FUT8: variants seen among roughly 807,000 people sequenced by gnomAD.
FUT8 encodes the protein fucosyltransferase 8.
In FUT8, 29 loss-of-function variants were observed where a neutral mutation model predicts 71.3. The ratio of observed to expected loss-of-function variants is 0.41; its 90% confidence interval spans 0.30 to 0.55. The LOEUF is 0.55. Ranked by LOEUF, FUT8 falls within the 20% of genes least tolerant of loss-of-function variation. The pLI is 0.34. For missense variants in FUT8, 544 were observed against 702.1 expected, an observed-to-expected ratio of 0.77 and a Z score of 2.55; for synonymous variants, 254 against 239.3, an observed-to-expected ratio of 1.06 and a Z score of -0.57.
In FUT8 at chr14:65,742,544, A is replaced by G; in HGVS notation, c.*134A>G. The G allele has an allele frequency of 1.4e-6, 1 of 731,912 alleles. No individual in the cohort carries two copies. Among genetic ancestry groups the G allele is most frequent in the Non-Finnish European group, 2.2e-6 (1 of 454,728 alleles). 45.3% of individuals were successfully genotyped at this position (731,912 alleles called of 1,614,324 possible). A position where few individuals can be genotyped will look rare whatever the true frequency, so the allele number is the denominator to read the frequency against. ...ATATGAGTAGATACTCTCAGCACCA[A>G]GAGCAGCTGGGAACTGACATAGGCT... On this transcript the variant is annotated 3_prime_UTR_variant, in exon 11 of 11. Coordinates refer to ENST00000673929, the MANE Select transcript of FUT8 (RefSeq NM_001371533.1).
intron 7 of FUT8, among the ~76,000 whole-genome samples, chr14:65,691,242 T>C (rs1893570811): frequency 6.6e-6 from 1 of 151,212 alleles, no homozygotes; most frequent in African/African-American, 2.5e-5. Context: ...TTCTTTCTTT[T>C]GTCTTATTCC....
chr14:65,503,901 C>T (rs2066685296), intron 2 of FUT8, among the ~76,000 whole-genome samples: 1 of 152,160 alleles, frequency 6.6e-6, no homozygotes, highest in Non-Finnish European at 1.5e-5. Context: ...TTTTGATTGG[C>T]ATATGGAGAC....
At chr14:65,546,936 A>G (rs1019927248) in intron 2 of FUT8, among the ~76,000 whole-genome samples, 2 of 151,698 alleles carry the variant, frequency 1.3e-5, no homozygotes, top group Non-Finnish European at 3.0e-5. Context: ...CAAGTAATCT[A>G]TTCTTTATTG....
chr14:65,606,091 G>A (rs1364032743), intron 3 of FUT8, among the ~76,000 whole-genome samples: 1 of 68,686 alleles, frequency 1.5e-5, no homozygotes, highest in East Asian at 4.0e-4. Context: ...TTTTTTTTTT[G>A]AGATGGAGTC....
the FUT8 span, among the ~76,000 whole-genome samples, chr14:65,374,753 C>A: frequency 1.4e-5 from 2 of 138,218 alleles, no homozygotes; most frequent in African/African-American, 2.5e-5. Flanking sequence ...TGCCACCACG[C>A]CTGGCTAATT....
At chr14:65,722,224 A>T (rs1213324851) in intron 8 of FUT8, among the ~76,000 whole-genome samples, 1 of 152,118 alleles carries the variant, frequency 6.6e-6, no homozygotes, top group East Asian at 1.9e-4. Flanking sequence ...GTTGCTTAGT[A>T]GTGCTCTATT....
rs1483692214 is a variant in FUT8 at position 65,472,474 on chromosome 14, T to C, written c.-228+16756T>C. ...GATAGCATAGACTCAGGCTATTTAC[T>C]ATTCTGTTTTCAAGTATAGATTGAG... On this transcript the variant is annotated intron_variant, in intron 2 of 10. Coordinates refer to ENST00000673929, the MANE Select transcript of FUT8 (RefSeq NM_001371533.1). The surrounding 1 kb of genome is among the most constrained non-coding windows in gnomAD (Gnocchi z 4.4). Among the ~76,000 whole-genome samples the C allele has an allele frequency of 6.6e-6, 1 of 152,204 alleles. No homozygotes were observed. The highest frequency in any genetic ancestry group is 1.5e-5 in the Non-Finnish European group (1 of 68,034).
In FUT8 at chr14:65,643,708, A is replaced by ACACC; in HGVS notation, c.597+14105_597+14106insCCAC. ...CACACACACACACACACACACACAC[A>ACACC]CACACACCAGATTCCATTCTAGATG... On this transcript the variant is annotated intron_variant, in intron 6 of 10. Coordinates refer to ENST00000673929, the MANE Select transcript of FUT8 (RefSeq NM_001371533.1). This position sits in a 1 kb window ranked among gnomAD's most constrained non-coding sequence, Gnocchi z 4.5. Among the ~76,000 whole-genome samples, 1 of 137,366 alleles carries ACACC rather than the reference A, an allele frequency of 7.3e-6. No homozygotes were observed. Among genetic ancestry groups the ACACC allele is most frequent in the African/African-American group, 2.5e-5 (1 of 39,622 alleles). 90.1% of individuals were successfully genotyped at this position (137,366 alleles called of 152,430 possible).
intron 1 of FUT8, among the ~76,000 whole-genome samples, chr14:65,444,465 C>T (rs567815976): frequency 2.6e-5 from 4 of 152,268 alleles, no homozygotes; most frequent in Non-Finnish European, 5.9e-5. Context: ...GGAAATGAAA[C>T]ATGTTCCTGC....
chr14:65,631,561 C>T (rs1291787298), intron 6 of FUT8, among the ~76,000 whole-genome samples: 1 of 152,042 alleles, frequency 6.6e-6, no homozygotes, highest in African/African-American at 2.4e-5. Flanking sequence ...TTTACTTGGA[C>T]CTTACCTTCA....
chr14:65,525,993 A>G (rs564121224), intron 2 of FUT8, among the ~76,000 whole-genome samples: 5 of 152,284 alleles, frequency 3.3e-5, no homozygotes, highest in East Asian at 1.9e-4. Flanking sequence ...TATGTGGTCA[A>G]TTTTGGAATA....
chr14:65,604,057 A>T (rs1351619459), intron 3 of FUT8, among the ~76,000 whole-genome samples: 1 of 151,776 alleles, frequency 6.6e-6, no homozygotes, highest in Non-Finnish European at 1.5e-5. Flanking sequence ...AGGCCTTGTA[A>T]CAATCCTAAA....
At chr14:65,427,184 C>T (rs2065402878) in intron 1 of FUT8, among the ~76,000 whole-genome samples, 1 of 152,008 alleles carries the variant, frequency 6.6e-6, no homozygotes, top group Non-Finnish European at 1.5e-5. Flanking sequence ...TTTCTTTACC[C>T]GTTTATCCAT....
At chr14:65,734,991 G>T (rs960947623) in intron 10 of FUT8, among the ~76,000 whole-genome samples, 2 of 152,116 alleles carry the variant, frequency 1.3e-5, no homozygotes, top group East Asian at 3.9e-4. Context: ...ATTGCCAGAT[G>T]CCAGATGCCC....
At chr14:65,375,809 G>A in the FUT8 span, among the ~76,000 whole-genome samples, 57 of 117,510 alleles carry the variant, frequency 4.9e-4, no homozygotes, top group African/African-American at 1.6e-3. Context: ...TGTATTCTGT[G>A]GCTGGGTGCA....
chr14:65,434,322 G>A (rs1423359661), intron 1 of FUT8, among the ~76,000 whole-genome samples: 2 of 152,136 alleles, frequency 1.3e-5, no homozygotes, highest in Non-Finnish European at 2.9e-5. Flanking sequence ...ATGTTAGAAA[G>A]CTTCTTTCAT....
At chr14:65,670,652 A>G (rs1264125678) in intron 7 of FUT8, among the ~76,000 whole-genome samples, 1 of 152,138 alleles carries the variant, frequency 6.6e-6, no homozygotes. Flanking sequence ...ACGAGCTACA[A>G]CACTAGATAC....
intron 2 of FUT8, among the ~76,000 whole-genome samples, chr14:65,556,033 C>T (rs1885570621): frequency 6.6e-6 from 1 of 152,098 alleles, no homozygotes; most frequent in Non-Finnish European, 1.5e-5. Flanking sequence ...TATTCTGTGC[C>T]CAGGGCTTTC....
At chr14:65,568,775 T>G (rs1886328772) in intron 3 of FUT8, among the ~76,000 whole-genome samples, 2 of 151,738 alleles carry the variant, frequency 1.3e-5, no homozygotes, top group South Asian at 4.1e-4. Flanking sequence ...GTTAATTAAG[T>G]TATTCAGATT....
Sources: allele counts gnomAD v4.1 joint callset (sites outside exome capture counted in the v4.1 genomes callset), GRCh38; gene constraint gnomAD v4.1.1; non-coding constraint Gnocchi (gnomAD v3.1); transcripts MANE v1.5; gene names NCBI Gene and HGNC (gene_info 2026-07-23, HGNC 2026-07-21).